Variants in ST8SIA6 observed in about 807,000 individuals in gnomAD.
ST8SIA6 encodes ST8 alpha-N-acetyl-neuraminide alpha-2,8-sialyltransferase 6.
ST8SIA6 carries 39 observed loss-of-function variants against 33.6 expected under a neutral mutation model. The observed-to-expected ratio is 1.16, with a 90% CI of 0.90 to 1.52. ST8SIA6 has a LOEUF of 1.52. ST8SIA6 is among the 40% of genes most tolerant of loss of function. The pLI, the probability that ST8SIA6 is intolerant of heterozygous loss-of-function variation, is 0.00. For missense variants in ST8SIA6, 441 were observed against 443.8 expected (o/e 0.99, Z 0.06); for synonymous variants, 172 against 167.2 (o/e 1.03, Z -0.22).
chr10:17,385,121 A>T (rs1475372912), intron 3 of ST8SIA6, among the ~76,000 whole-genome samples: 1 of 152,006 alleles, frequency 6.6e-6, no homozygotes, highest in East Asian at 1.9e-4. Flanking sequence ...ACTAAGGGAA[A>T]CTCCAGCTGG....
intron 3 of ST8SIA6, among the ~76,000 whole-genome samples, chr10:17,383,021 CTG>C (rs149036134): frequency 0.038 from 5,802 of 152,206 alleles, 137 homozygotes; most frequent in African/African-American, 0.062. Flanking sequence ...ATTTTATAGA[CTG>C]TTTACAAAAT....
chr10:17,394,666 C>G (rs1365051937), intron 2 of ST8SIA6, among the ~76,000 whole-genome samples: 2 of 152,062 alleles, frequency 1.3e-5, no homozygotes, highest in Non-Finnish European at 2.9e-5. Context: ...CTTTTTTCAT[C>G]TAATGTCATT....
chr10:17,400,807 A>G (rs1588888942), intron 2 of ST8SIA6, among the ~76,000 whole-genome samples: 1 of 152,222 alleles, frequency 6.6e-6, no homozygotes. Context: ...TCTATGACAA[A>G]CCCACAGCCA....
At chr10:17,391,504 C>T (rs527493612) in intron 2 of ST8SIA6, among the ~76,000 whole-genome samples, 14 of 152,144 alleles carry the variant, frequency 9.2e-5, no homozygotes, top group South Asian at 4.1e-4. Flanking sequence ...CCTCGTGATC[C>T]GCCTGCCTGG....
intron 2 of ST8SIA6, chr10:17,410,548 G>A (rs1227311119): frequency 6.6e-6 from 1 of 152,066 alleles, no homozygotes; most frequent in Non-Finnish European, 1.5e-5. Context: ...TTTATGTGCT[G>A]TTTTACCATT....
chr10:17,426,697 A>G (rs1354701211), intron 2 of ST8SIA6, among the ~76,000 whole-genome samples: 2 of 152,216 alleles, frequency 1.3e-5, no homozygotes, highest in Admixed American at 1.3e-4. Context: ...TGGCTGCTAC[A>G]ATGTAAAAGC....
chr10:17,336,331 T>G (rs150756539), intron 4 of ST8SIA6, among the ~76,000 whole-genome samples: 2 of 152,126 alleles, frequency 1.3e-5, no homozygotes, highest in African/African-American at 4.8e-5. Context: ...AACTGGACAA[T>G]AAGCGCTTGA....
At chr10:17,420,386 T>C (rs1270289376) in intron 2 of ST8SIA6, among the ~76,000 whole-genome samples, 1 of 152,104 alleles carries the variant, frequency 6.6e-6, no homozygotes, top group East Asian at 1.9e-4. Flanking sequence ...CACTCCAGCC[T>C]GGGCGACAGA....
chr10:17,411,322 T>C (rs1441069159), intron 2 of ST8SIA6, among the ~76,000 whole-genome samples: 1 of 152,088 alleles, frequency 6.6e-6, no homozygotes, highest in Non-Finnish European at 1.5e-5. Context: ...TAGCTGAGAT[T>C]ATAGGTGCCC....
chr10:17,316,444 A>C lies in ST8SIA6; in HGVS notation c.*4434T>G, dbSNP rs981871317. On this transcript the variant is annotated 3_prime_UTR_variant, in exon 8 of 8. Coordinates refer to ENST00000377602, the MANE Select transcript of ST8SIA6 (RefSeq NM_001004470.3). ...TGTGAGTCCAATTTGTCTACTTACT[A>C]CCGCAAACCATAATGGAATAAATAC... Among the ~76,000 whole-genome samples, 4 of 152,100 alleles carry C rather than the reference A, an allele frequency of 2.6e-5. No homozygotes were observed. The highest frequency in any genetic ancestry group is 9.6e-5 in the African/African-American group (4 of 41,454).
At chr10:17,425,161 G>A (rs895248131) in intron 2 of ST8SIA6, among the ~76,000 whole-genome samples, 2 of 151,876 alleles carry the variant, frequency 1.3e-5, no homozygotes, top group East Asian at 1.9e-4. Context: ...AAACATATAC[G>A]TATATTTTAT....
intron 3 of ST8SIA6, among the ~76,000 whole-genome samples, chr10:17,378,099 A>C (rs530512231): frequency 2.0e-5 from 3 of 152,322 alleles, no homozygotes; most frequent in Non-Finnish European, 4.4e-5. Context: ...ATCCCCTTAA[A>C]GAATAGCTGA....
intron 3 of ST8SIA6, among the ~76,000 whole-genome samples, chr10:17,377,609 T>G (rs1314212508): frequency 6.6e-6 from 1 of 152,176 alleles, no homozygotes; most frequent in African/African-American, 2.4e-5. Flanking sequence ...AAAGACCCTA[T>G]CCCACTTGTT....
intron 3 of ST8SIA6, among the ~76,000 whole-genome samples, chr10:17,381,979 G>A (rs1296774112): frequency 6.6e-6 from 1 of 152,172 alleles, no homozygotes; most frequent in Non-Finnish European, 1.5e-5. Flanking sequence ...AATGAACAAG[G>A]ACAGCTTGAA....
At chr10:17,382,800 A>G (rs1037821140) in intron 3 of ST8SIA6, among the ~76,000 whole-genome samples, 1 of 152,242 alleles carries the variant, frequency 6.6e-6, no homozygotes, top group Non-Finnish European at 1.5e-5. Context: ...AGGTGGGCCC[A>G]TAAGATCGTA....
intron 4 of ST8SIA6, among the ~76,000 whole-genome samples, chr10:17,354,352 G>C (rs34326530): frequency 0.027 from 4,125 of 152,194 alleles, 201 homozygotes; most frequent in African/African-American, 0.093. Context: ...TAATTTCTTA[G>C]ACTGAAATCC....
At chr10:17,382,651 A>G (rs1277606914) in intron 3 of ST8SIA6, among the ~76,000 whole-genome samples, 1 of 152,176 alleles carries the variant, frequency 6.6e-6, no homozygotes, top group Non-Finnish European at 1.5e-5. Context: ...GTCCTGCTAA[A>G]TCTTAAACAC....
At chr10:17,441,790 T>C (rs141042040) in intron 2 of ST8SIA6, among the ~76,000 whole-genome samples, 2 of 152,312 alleles carry the variant, frequency 1.3e-5, no homozygotes, top group African/African-American at 2.4e-5. Flanking sequence ...AAAAGACTTA[T>C]CTGAAAGTTC....
At chr10:17,408,108 C>G (rs1851332880) in intron 2 of ST8SIA6, 1 of 152,616 alleles carries the variant, frequency 6.6e-6, no homozygotes, top group Non-Finnish European at 1.5e-5. Context: ...CCCCATCCAT[C>G]ATGGCCAAAG....
Sources: allele counts gnomAD v4.1 joint callset (sites outside exome capture counted in the v4.1 genomes callset), GRCh38; gene constraint gnomAD v4.1.1; transcripts MANE v1.5; gene names NCBI Gene and HGNC (gene_info 2026-07-23, HGNC 2026-07-21).